HOOK1: variants seen among roughly 807,000 people sequenced by gnomAD.
HOOK1 encodes the protein hook microtubule tethering protein 1, also known as protein Hook homolog 1.
HOOK1 carries 60 observed loss-of-function variants against 112.8 expected under a neutral mutation model. That is an observed-to-expected ratio of 0.53 (90% confidence interval 0.43 to 0.66). The LOEUF (loss-of-function observed/expected upper bound fraction) is 0.66, where lower values mean the gene tolerates loss of function less well. Ranked by LOEUF, HOOK1 falls within the 30% of genes least tolerant of loss-of-function variation. The pLI, the probability that HOOK1 is intolerant of heterozygous loss-of-function variation, is 0.00. For missense variants in HOOK1, 770 were observed against 856.0 expected, an observed-to-expected ratio of 0.90 and a Z score of 1.25; for synonymous variants, 294 against 283.8, an observed-to-expected ratio of 1.04 and a Z score of -0.36.
At chr1:59,835,495 T>A in intron 6 of HOOK1, 83 bp downstream of exon 6, 1 of 786,670 alleles carries the variant, frequency 1.3e-6, no homozygotes, top group Non-Finnish European at 2.1e-6. Context: ...TTTTCTTTTT[T>A]AAAAACTTGC....
chr1:59,828,900 A>G (rs368743950), intron 3 of HOOK1, 48 bp downstream of exon 3: 2 of 1,399,724 alleles, frequency 1.4e-6, no homozygotes, highest in African/African-American at 1.4e-5. Flanking sequence ...AGTGGTCCTA[A>G]AGTTAGCACT....
At chr1:59,858,398 T>C in intron 12 of HOOK1, 30 bp from the exon 13 acceptor site, 1 of 1,321,000 alleles carries the variant, frequency 7.6e-7, no homozygotes. Flanking sequence ...CAGAATTAAA[T>C]ACTTTGCTGA....
chr1:59,843,618 T>A lies in HOOK1; in HGVS notation c.788+20T>A, dbSNP rs2102036251. Reference sequence around the variant, plus strand: ...CTTCAGGTAGCATTTTTAATGGAAATCATTTTATGGAGTTCTGTCTATTAT... The same window carrying A: ...CTTCAGGTAGCATTTTTAATGGAAAACATTTTATGGAGTTCTGTCTATTAT... On this transcript the variant is annotated intron_variant, in intron 9 of 21. Coordinates refer to ENST00000371208, the MANE Select transcript of HOOK1 (RefSeq NM_015888.6). 1 of 1,581,002 alleles carries A rather than the reference T, an allele frequency of 6.3e-7. No individual in the cohort carries two copies.
At position 59,872,807 on chromosome 1, in the gene HOOK1, C is replaced by T; in HGVS notation, c.2029C>T (p.Gln677Ter). ...SAWYNKSLAF[Q>*]KLGMESRLVS... Reference sequence around the variant, plus strand: ...TTTTTTTTTTCAGAGTCTAGCATTCCAGAAACTGGGGATGGAATCTAGACT... The same window carrying T: ...TTTTTTTTTTCAGAGTCTAGCATTCTAGAAACTGGGGATGGAATCTAGACT... The change falls in exon 22 of 22, where the codon CAG becomes TAG. Residue 677 changes from glutamine to a stop codon, truncating the protein, a stop_gained. Transcript: ENST00000371208. LOFTEE classifies it high-confidence loss of function. The T allele has an allele frequency of 7.0e-7, 1 of 1,425,622 alleles. No homozygotes were observed. Among genetic ancestry groups the T allele is most frequent in the Middle Eastern group, 1.9e-4 (1 of 5,334 alleles). 88.3% of individuals were successfully genotyped at this position (1,425,622 alleles called of 1,614,324 possible). A position where few individuals can be genotyped will look rare whatever the true frequency, so the allele number is the denominator to read the frequency against.
intron 13 of HOOK1, 133 bp downstream of exon 13, chr1:59,858,648 G>C (rs1574216832): frequency 1.7e-5 from 11 of 663,008 alleles, no homozygotes; most frequent in East Asian, 1.6e-4. Context: ...GAGGCGGGAG[G>C]ATCACTTGAG....
At chr1:59,840,206 A>T (rs755933562) in intron 7 of HOOK1, 102 bp from the exon 8 acceptor site, 1 of 556,936 alleles carries the variant, frequency 1.8e-6, no homozygotes, top group Non-Finnish European at 2.8e-6. Context: ...ATAATTTCCC[A>T]TATCAGTGTA....
In HOOK1 at chr1:59,865,181, C is replaced by A; in HGVS notation, c.1680C>A (p.Val560=). The A allele has an allele frequency of 6.2e-7, 1 of 1,604,552 alleles. No individual in the cohort carries two copies. The highest frequency in any genetic ancestry group is 8.5e-7 in the Non-Finnish European group (1 of 1,171,482). ...LEAHMEKLTE[V]HEELQKKQEL... ...CACTTAGGGAAAAACTCACAGAGGTCCATGAAGAATTACAGAAGAAACAAG... is the reference window on the plus strand; with the variant it reads ...CACTTAGGGAAAAACTCACAGAGGTACATGAAGAATTACAGAAGAAACAAG... Residue 560 remains valine, a synonymous_variant, in exon 18 of 22, where the codon GTC becomes GTA. Transcript: ENST00000371208.
chr1:59,847,115 C>G lies in HOOK1; in HGVS notation c.859C>G (p.His287Asp). Residue 287 changes from histidine to aspartate, a missense_variant, in exon 10 of 22, where the codon CAT becomes GAT. Transcript: ENST00000371208. Reference protein sequence around the residue: ...ELEKQLIEFQHRNDELTSLAE... With the variant: ...ELEKQLIEFQDRNDELTSLAE... ...TGAAAAGCAGCTAATCGAATTCCAG[C>G]ATAGGAATGATGAATTGACTAGTCT... The G allele has an allele frequency of 2.5e-6, 4 of 1,607,392 alleles. No individual in the cohort carries two copies. The highest frequency in any genetic ancestry group is 3.4e-6 in the Non-Finnish European group (4 of 1,176,202).
At chr1:59,863,353 A>G (rs1397313560) in intron 16 of HOOK1, among the ~76,000 whole-genome samples, 1 of 152,182 alleles carries the variant, frequency 6.6e-6, no homozygotes, top group Admixed American at 6.5e-5. Flanking sequence ...AAAATGGATT[A>G]TACCCGTCTC....
At chr1:59,854,001 A>AATATATATATATATATAT (rs71046347) in intron 12 of HOOK1, among the ~76,000 whole-genome samples, 3 of 25,696 alleles carry the variant, frequency 1.2e-4, no homozygotes, top group African/African-American at 3.1e-4. Flanking sequence ...ATTAATCTTA[A>AATATATATATATATATAT]ATATATATAT....
At chr1:59,820,066 C>T (rs980163339) in intron 1 of HOOK1, among the ~76,000 whole-genome samples, 8 of 152,212 alleles carry the variant, frequency 5.3e-5, no homozygotes, top group Admixed American at 5.2e-4. Flanking sequence ...AAGAATGTTA[C>T]TCTTCCTTAT....
chr1:59,858,599 CATGGTGGCGCATGCCTAT>C, intron 13 of HOOK1, 84 bp downstream of exon 13: 1 of 848,376 alleles, frequency 1.2e-6, no homozygotes, highest in Non-Finnish European at 2.0e-6. Context: ...CTTAACCTGT[CATGGTGGCGCATGCCTAT>C]AGTCCTAGCT....
chr1:59,844,734 C>G (rs1374581254), intron 9 of HOOK1, among the ~76,000 whole-genome samples: 3 of 151,854 alleles, frequency 2.0e-5, no homozygotes, highest in African/African-American at 4.8e-5. Context: ...TTTAATTTCA[C>G]TCGGCAGTGC....
intron 8 of HOOK1, among the ~76,000 whole-genome samples, chr1:59,841,733 G>A (rs985847589): frequency 4.6e-5 from 7 of 152,068 alleles, no homozygotes; most frequent in Non-Finnish European, 7.4e-5. Flanking sequence ...TAGGATCTAG[G>A]TACAGTCTTC....
intron 3 of HOOK1, among the ~76,000 whole-genome samples, chr1:59,831,731 C>T (rs1009396227): frequency 2.6e-5 from 4 of 152,182 alleles, no homozygotes; most frequent in Non-Finnish European, 4.4e-5. Context: ...AAAGCTTGTA[C>T]TAGTGTAGGG....
intron 21 of HOOK1, among the ~76,000 whole-genome samples, chr1:59,871,435 A>C (rs192481148): frequency 7.0e-4 from 106 of 152,320 alleles, no homozygotes; most frequent in African/African-American, 2.5e-3. Context: ...TTTTGCCCAT[A>C]AAAGGTTTCT....
chr1:59,860,040 GT>G (rs1219790788), intron 14 of HOOK1, 147 bp from the exon 15 acceptor site: 17 of 485,946 alleles, frequency 3.5e-5, no homozygotes, highest in Middle Eastern at 5.6e-4. Context: ...GAGTTTAAGA[GT>G]TTCATACCCT....
rs758095552 is a variant in HOOK1 at position 59,840,345 on chromosome 1, C to T, written c.575C>T (p.Ala192Val). The T allele has an allele frequency of 6.3e-7, 1 of 1,596,482 alleles. No individual in the cohort carries two copies. The highest frequency in any genetic ancestry group is 1.4e-5 in the African/African-American group (1 of 74,046). ...TTGGAAGAACTTCAGGAAGCACTAG[C>T]AGAAAAAGAAGAGCTGAGGCAAAGA... Reference protein sequence around the residue: ...RALEELQEALAEKEELRQRCE... With the variant: ...RALEELQEALVEKEELRQRCE... Residue 192 changes from alanine (A) to valine (V), a missense_variant, in exon 8 of 22, where the codon GCA (alanine) becomes GTA (valine). This residue lies in a region of HOOK1 where 655 missense variants were observed against 725.9 expected (regional missense o/e 0.90). Coordinates refer to ENST00000371208, the MANE Select transcript of HOOK1 (RefSeq NM_015888.6).
chr1:59,836,765 G>A, intron 6 of HOOK1, 108 bp from the exon 7 acceptor site: 1 of 615,582 alleles, frequency 1.6e-6, no homozygotes, highest in Non-Finnish European at 2.7e-6. Flanking sequence ...CTCAAATTAA[G>A]GCAAGGAAAA....
Sources: allele counts gnomAD v4.1 joint callset (sites outside exome capture counted in the v4.1 genomes callset), GRCh38; gene constraint gnomAD v4.1.1; regional missense constraint gnomAD v4.1.1; transcripts MANE v1.5; gene names NCBI Gene and HGNC (gene_info 2026-07-23, HGNC 2026-07-21).